Variants in DNAH1 observed in about 807,000 individuals in gnomAD.
The protein encoded by DNAH1 is dynein axonemal heavy chain 1.
In DNAH1, 327 loss-of-function variants were observed where a neutral mutation model predicts 484.3. That is an observed-to-expected ratio of 0.68 (90% confidence interval 0.62 to 0.74). The LOEUF (loss-of-function observed/expected upper bound fraction) is 0.74, where lower values mean the gene tolerates loss of function less well. DNAH1 is among the 30% of genes least tolerant of loss of function. The pLI, the probability that DNAH1 is intolerant of heterozygous loss-of-function variation, is 0.00. For missense variants in DNAH1, 5,052 were observed against 5,546.8 expected (o/e 0.91, Z 2.83); for synonymous variants, 2,192 against 2,191.9 (o/e 1.00, Z 0.00).
chr3:52,375,116 G>A, intron 44 of DNAH1, 124 bp from the exon 45 acceptor site: 2 of 1,111,956 alleles, frequency 1.8e-6, no homozygotes, highest in Non-Finnish European at 2.5e-6. Flanking sequence ...TAATATTGAT[G>A]TATTTGTCTT....
chr3:52,312,005 C>T (rs1253032624), upstream of DNAH1, among the ~76,000 whole-genome samples: 1 of 152,240 alleles, frequency 6.6e-6, no homozygotes, highest in Non-Finnish European at 1.5e-5. Context: ...CCAGCCCAAG[C>T]TCCCTCCCCA....
intron 17 of DNAH1, 124 bp from the exon 18 acceptor site, chr3:52,352,428 A>G (rs946677852): frequency 3.9e-5 from 52 of 1,332,696 alleles, no homozygotes; most frequent in Non-Finnish European, 1.5e-5. Context: ...CTCCAGGAGA[A>G]CAACCTCCTT....
Position 52,327,947 on chromosome 3 carries a change from A to G in DNAH1, c.804A>G (p.Pro268=), listed in dbSNP as rs1015902038. Reference sequence around the variant, plus strand: ...AGTGGATCAACATGGGCTTGGAGCCAGGGTCTCTGGACAGGAAACCTGTCC... The same window carrying G: ...AGTGGATCAACATGGGCTTGGAGCCGGGGTCTCTGGACAGGAAACCTGTCC... ...PREWINMGLE[P]GSLDRKPVPG... Residue 268 remains proline, a synonymous_variant, in exon 6 of 78, where the codon CCA becomes CCG. Coordinates refer to ENST00000420323, the MANE Select transcript of DNAH1 (RefSeq NM_015512.5). The G allele has an allele frequency of 1.2e-5, 20 of 1,613,884 alleles. No individual in the cohort carries two copies. The highest frequency in any genetic ancestry group is 1.6e-5 in the Non-Finnish European group (19 of 1,179,856).
chr3:52,374,951 T>C, intron 44 of DNAH1: 1 of 381,174 alleles, frequency 2.6e-6, no homozygotes, highest in Non-Finnish European at 4.6e-6. Context: ...AAGATAGGAC[T>C]ATGTCTTCAC....
At chr3:52,366,350 T>C in intron 34 of DNAH1, 107 bp from the exon 35 acceptor site, 1 of 837,140 alleles carries the variant, frequency 1.2e-6, no homozygotes, top group Middle Eastern at 2.9e-4. Flanking sequence ...GATGAGGAAA[T>C]TGAGGCTCAG....
rs1387481247 is a variant in DNAH1 at position 52,358,216 on chromosome 3, C to T, written c.4086+213C>T. On this transcript the variant is annotated intron_variant, in intron 24 of 77. Transcript: ENST00000420323. This position sits in a 1 kb window ranked among gnomAD's most constrained non-coding sequence, Gnocchi z 4.2. Reference sequence around the variant, plus strand: ...CTGGATTTCCAACTCACCAGGCGCTCCCTGTGCCCCCAGCACACTGCAAAA... The same window carrying T: ...CTGGATTTCCAACTCACCAGGCGCTTCCTGTGCCCCCAGCACACTGCAAAA... Among the ~76,000 whole-genome samples the T allele has an allele frequency of 6.6e-6, 1 of 152,242 alleles. No individual in the cohort carries two copies. The highest frequency in any genetic ancestry group is 6.5e-5 in the Admixed American group (1 of 15,292).
chr3:52,350,604 T>C lies in DNAH1; in HGVS notation c.2729+14T>C. The stretch of plus-strand genomic sequence containing the variant: ...CTTCAATGACAAGTGAGTGGGAGCT[T>C]GGCCCCCATGCCAGGTGCGGGGTGG... On this transcript the variant is annotated intron_variant, in intron 16 of 77. Transcript: ENST00000420323. The C allele has an allele frequency of 6.2e-7, 1 of 1,612,196 alleles. No homozygotes were observed. Among genetic ancestry groups the C allele is most frequent in the Non-Finnish European group, 8.5e-7 (1 of 1,178,894 alleles).
At chr3:52,388,712 C>G (rs773932485) in intron 58 of DNAH1, 94 bp from the exon 59 acceptor site, 26 of 1,604,924 alleles carry the variant, frequency 1.6e-5, no homozygotes, top group Middle Eastern at 1.7e-4. Context: ...TCCACACCCC[C>G]TCCCTGGCAA....
Position 52,354,991 on chromosome 3 carries a change from C to T in DNAH1, c.3629C>T (p.Ser1210Leu), listed in dbSNP as rs530360656. ...GTCATGACCCAGAATATGTCATTTT[C>T]ACCCTACAAGAAGCCCTTTGAGCAG... ...HIVMTQNMSFSPYKKPFEQRI... is the reference protein window; with the variant it reads ...HIVMTQNMSFLPYKKPFEQRI... Residue 1210 changes from serine (S) to leucine (L), a missense_variant, in exon 21 of 78, where the codon TCA becomes TTA. Physicochemically the swap from Ser to Leu is moderately radical, Grantham distance 145. Coordinates refer to ENST00000420323, the MANE Select transcript of DNAH1 (RefSeq NM_015512.5). 6.2e-7 allele frequency: 1 copy of T among 1,614,026 alleles called. No individual in the cohort carries two copies. The highest frequency in any genetic ancestry group is 1.7e-5 in the Admixed American group (1 of 60,036).
rs1353018153 is a variant in DNAH1 at position 52,386,738 on chromosome 3, C to T, written c.8888C>T (p.Pro2963Leu). Residue 2963 changes from proline (P) to leucine (L), a missense_variant, in exon 56 of 78, where the codon CCC becomes CTC. Pro to Leu is a moderately conservative substitution (Grantham distance 98). Coordinates refer to ENST00000420323, the MANE Select transcript of DNAH1 (RefSeq NM_015512.5). The part of the protein sequence containing the change: ...EAVCIMKGIK[P>L]KKVPGEKPGT... ...GTGTGCATTATGAAAGGCATCAAGC[C>T]CAAGAAGGTGCCTGGAGAAAAGCCA... The T allele has an allele frequency of 6.3e-7, 1 of 1,589,544 alleles. No homozygotes were observed. Among genetic ancestry groups the T allele is most frequent in the Non-Finnish European group, 8.6e-7 (1 of 1,168,418 alleles).
rs760627438 is a variant in DNAH1 at position 52,347,879 on chromosome 3, C to A, written c.2011C>A (p.His671Asn). 1.2e-6 allele frequency: 2 copies of A among 1,606,086 alleles called. No homozygotes were observed. Among genetic ancestry groups the A allele is most frequent in the South Asian group, 1.1e-5 (1 of 89,484 alleles). ...CCTGGTGCTGGACAGCTCTGGGGTGCACTATAGCACCCCACTGGAGCAGTT... is the reference window on the plus strand; with the variant it reads ...CCTGGTGCTGGACAGCTCTGGGGTGAACTATAGCACCCCACTGGAGCAGTT... ...MDLVLDSSGV[H>N]YSTPLEQFEA... The change falls in exon 12 of 78, where the codon CAC (histidine) becomes AAC (asparagine). Residue 671 changes from histidine to asparagine, a missense_variant. By Grantham distance (68) the His-to-Asn change is moderately conservative (BLOSUM62 1). Coordinates refer to ENST00000420323, the MANE Select transcript of DNAH1 (RefSeq NM_015512.5).
At position 52,392,471 on chromosome 3, in the gene DNAH1, G is replaced by GATCT; in HGVS notation, c.10061_10062insTCTA (p.Glu3354AspfsTer28). ...GTCCCCTGCCCCCGGCAGTGGCCTA[G>GATCT]AGGACCAGCTACTGGGCCAGGTAGT... On this transcript the variant is annotated frameshift_variant, in exon 64 of 78. Transcript: ENST00000420323. LOFTEE classifies it high-confidence loss of function. 1 of 1,613,538 alleles carries GATCT rather than the reference G, an allele frequency of 6.2e-7. No homozygotes were observed. The highest frequency in any genetic ancestry group is 2.2e-5 in the East Asian group (1 of 44,892).
rs778935800 is a variant in DNAH1 at position 52,369,873 on chromosome 3, G to A, written c.5992G>A (p.Ala1998Thr). 1 of 1,613,402 alleles carries A rather than the reference G, an allele frequency of 6.2e-7. No individual in the cohort carries two copies. Among genetic ancestry groups the A allele is most frequent in the Non-Finnish European group, 8.5e-7 (1 of 1,179,420 alleles). ...GCAAGACCTGGCGGTGGCTTCACCA[G>A]CTACAGTCTCCCGCTGTGGCATGGT... ...EVQDLAVASP[A>T]TVSRCGMVYL... Residue 1998 changes from alanine (A) to threonine (T), a missense_variant, in exon 38 of 78, where the codon GCT becomes ACT. Ala to Thr is a moderately conservative substitution (Grantham distance 58, BLOSUM62 0). This residue lies in a region of DNAH1 where 2,929 missense variants were observed against 3,409.4 expected (regional missense o/e 0.86). Transcript: ENST00000420323.
intron 6 of DNAH1, among the ~76,000 whole-genome samples, chr3:52,330,657 G>C (rs572194639): frequency 6.6e-6 from 1 of 152,242 alleles, no homozygotes; most frequent in Non-Finnish European, 1.5e-5. Context: ...CCTGACCAAA[G>C]AGCGGCTCCT....
upstream of DNAH1, among the ~76,000 whole-genome samples, chr3:52,312,648 T>C (rs1343490879): frequency 6.6e-6 from 1 of 151,718 alleles, no homozygotes; most frequent in East Asian, 1.9e-4. Flanking sequence ...TTTTCGTATT[T>C]GTTTTGTTTT....
chr3:52,328,679 G>A (rs918257050), intron 6 of DNAH1, among the ~76,000 whole-genome samples: 15 of 152,256 alleles, frequency 9.9e-5, no homozygotes, highest in Non-Finnish European at 1.5e-4. Context: ...CTGCCCCAGC[G>A]GCTGTGGAGG....
chr3:52,349,369 C>G lies in DNAH1; in HGVS notation c.2475C>G (p.Ala825=), dbSNP rs1244647149. The change falls in exon 14 of 78, where the codon GCC becomes GCG. Residue 825 remains alanine (A), a synonymous_variant. Transcript: ENST00000420323. The part of the protein sequence containing the change: ...QSLSKKRKAL[A]TSVLDILAKN... ...TGTCCAAGAAACGCAAGGCCCTGGC[C>G]ACTTCCGTGCTGGACATCCTTGCCA... is the stretch of plus-strand genomic sequence containing the variant. 6.2e-7 allele frequency: 1 copy of G among 1,613,906 alleles called. No homozygotes were observed. The highest frequency in any genetic ancestry group is 1.3e-5 in the African/African-American group (1 of 74,954).
chr3:52,373,102 C>CAGGG, intron 44 of DNAH1, 49 bp downstream of exon 44: 3 of 1,552,600 alleles, frequency 1.9e-6, no homozygotes, highest in Admixed American at 2.0e-5. Flanking sequence ...GCGTGCTGTG[C>CAGGG]AGGGGCACAG....
intron 73 of DNAH1, 121 bp from the exon 74 acceptor site, chr3:52,397,586 G>T (rs1704691395): frequency 1.1e-6 from 1 of 936,110 alleles, no homozygotes; most frequent in Non-Finnish European, 1.6e-6. Flanking sequence ...ATGCATAAGG[G>T]TTATGAGCAG....
Sources: allele counts gnomAD v4.1 joint callset (sites outside exome capture counted in the v4.1 genomes callset), GRCh38; gene constraint gnomAD v4.1.1; regional missense constraint gnomAD v4.1.1; non-coding constraint Gnocchi (gnomAD v3.1); transcripts MANE v1.5; gene names NCBI Gene and HGNC (gene_info 2026-07-23, HGNC 2026-07-21).